Variants in PRKAB2 observed in about 807,000 individuals in gnomAD.
PRKAB2 encodes protein kinase AMP-activated non-catalytic subunit beta 2, also known as 5'-AMP-activated protein kinase subunit beta-2.
A neutral mutation model predicts 29.8 loss-of-function variants in PRKAB2; 18 were observed. That is an observed-to-expected ratio of 0.60 (90% confidence interval 0.42 to 0.89). PRKAB2 has a LOEUF of 0.89. PRKAB2 is among the 40% of genes least tolerant of loss of function. The pLI is 0.00. For missense variants in PRKAB2, 270 were observed against 344.3 expected, an observed-to-expected ratio of 0.78 and a Z score of 1.71; for synonymous variants, 136 against 125.9, an observed-to-expected ratio of 1.08 and a Z score of -0.54.
At chr1:147,165,085 G>T (rs1553913508) in intron 5 of PRKAB2, among the ~76,000 whole-genome samples, 1 of 152,164 alleles carries the variant, frequency 6.6e-6, no homozygotes, top group Non-Finnish European at 1.5e-5. Context: ...GAGTGCAGTG[G>T]CGAGATCTCA....
At chr1:147,167,713 A>G (rs1654319669) in intron 3 of PRKAB2, 54 bp downstream of exon 3, 1 of 1,559,610 alleles carries the variant, frequency 6.4e-7, no homozygotes, top group Admixed American at 1.9e-5. Flanking sequence ...CTTCTGAGAA[A>G]AGAAATCAGG....
At chr1:147,165,961 C>T (rs1288353229) in intron 5 of PRKAB2, among the ~76,000 whole-genome samples, 1 of 152,116 alleles carries the variant, frequency 6.6e-6, no homozygotes, top group Non-Finnish European at 1.5e-5. Context: ...TTACGCTCGG[C>T]TAATTTTTAA....
At chr1:147,162,725 C>A in intron 5 of PRKAB2, 152 bp from the exon 6 acceptor site, 2 of 787,414 alleles carry the variant, frequency 2.5e-6, no homozygotes, top group Non-Finnish European at 3.8e-6. Flanking sequence ...GTAAGGTAAC[C>A]AGAGGAAAAA....
In PRKAB2 at chr1:147,156,189, G is replaced by A. The variant is rs1653665344; in HGVS notation, c.*3376C>T. On this transcript the variant is annotated 3_prime_UTR_variant, in exon 8 of 8. Coordinates refer to ENST00000254101, the MANE Select transcript of PRKAB2 (RefSeq NM_005399.5). ...CCCCAAATCACTAGAACGTGAGAAT[G>A]TAGAAATCTCTGAGAACACAATGTA... is the stretch of plus-strand genomic sequence containing the variant. 6.6e-6 allele frequency: 1 copy of A among 152,540 alleles called. No individual in the cohort carries two copies. The highest frequency in any genetic ancestry group is 1.5e-5 in the Non-Finnish European group (1 of 68,032). The allele number at this position is 152,540 out of a possible 1,614,324, so 9.4% of individuals were successfully genotyped here.
chr1:147,166,348 G>A (rs1654247819), intron 5 of PRKAB2, 150 bp downstream of exon 5: 1 of 758,396 alleles, frequency 1.3e-6, no homozygotes, highest in African/African-American at 1.8e-5. Context: ...AGACCTAAAT[G>A]TTTACAGGAG....
In PRKAB2 at chr1:147,171,970, G is replaced by A. The variant is rs1553914460; in HGVS notation, c.156+19C>T. 6.3e-7 allele frequency: 1 copy of A among 1,594,818 alleles called. No individual in the cohort carries two copies. The highest frequency in any genetic ancestry group is 8.5e-7 in the Non-Finnish European group (1 of 1,171,512). On this transcript the variant is annotated intron_variant, in intron 2 of 7. Transcript: ENST00000254101. ...ACCCGCTGCAGTACTGACACCAACTGCGGGCATGGGACGCTTACCTTGGAG... is the reference window on the plus strand; with the variant it reads ...ACCCGCTGCAGTACTGACACCAACTACGGGCATGGGACGCTTACCTTGGAG...
At position 147,158,070 on chromosome 1, in the gene PRKAB2, AAC is replaced by A. The variant is rs1653761982; in HGVS notation, c.*1493_*1494del. On this transcript the variant is annotated 3_prime_UTR_variant, in exon 8 of 8. Coordinates refer to ENST00000254101, the MANE Select transcript of PRKAB2 (RefSeq NM_005399.5). ...GCAGTCAGGGAGTCTCTCATTCATC[AAC>A]AGTTTAGCCTCCTTTAGTGTTGATT... 1 of 152,100 alleles carries A rather than the reference AAC, an allele frequency of 6.6e-6. No individual in the cohort carries two copies. Among genetic ancestry groups the A allele is most frequent in the Non-Finnish European group, 1.5e-5 (1 of 68,018 alleles). 9.4% of individuals were successfully genotyped at this position (152,100 alleles called of 1,614,324 possible).
At position 147,167,801 on chromosome 1, in the gene PRKAB2, T is replaced by G; in HGVS notation, c.289A>C (p.Asn97His). 1.9e-6 allele frequency: 3 copies of G among 1,614,024 alleles called. No individual in the cohort carries two copies. Among genetic ancestry groups the G allele is most frequent in the Non-Finnish European group, 2.5e-6 (3 of 1,179,914 alleles). ...AGTGGAATCTTGGTGCTCCAATTGT[T>G]GAAGGACCCAGAGATGAAGACCTCC... Reference protein sequence around the residue: ...GKEVFISGSFNNWSTKIPLIK... With the variant: ...GKEVFISGSFHNWSTKIPLIK... The change falls in exon 3 of 8, where the codon AAC becomes CAC. Residue 97 changes from asparagine to histidine, a missense_variant. Coordinates refer to ENST00000254101, the MANE Select transcript of PRKAB2 (RefSeq NM_005399.5).
At position 147,167,823 on chromosome 1, in the gene PRKAB2, C is replaced by T. The variant is rs782596059; in HGVS notation, c.267G>A (p.Glu89=). 1.2e-5 allele frequency: 20 copies of T among 1,614,134 alleles called. 1 individual carries two copies. In the South Asian group the frequency reaches 2.1e-4, roughly 17 times the overall value. The change falls in exon 3 of 8, where the codon GAG becomes GAA. Residue 89 remains glutamate (E), a synonymous_variant. Transcript: ENST00000254101. ...TVIRWSEGGK[E]VFISGSFNNW... is the part of the protein sequence containing the mutation. The stretch of plus-strand genomic sequence containing the variant: ...TGTTGAAGGACCCAGAGATGAAGAC[C>T]TCCTTGCCTCCTTCAGACCAGCGGA...
intron 1 of PRKAB2, 55 bp downstream of exon 1, chr1:147,172,374 G>A (rs891289252): frequency 3.3e-6 from 2 of 599,412 alleles, no homozygotes; most frequent in African/African-American, 3.9e-5. Flanking sequence ...ACCCGCTATC[G>A]GGACCTCCCC....
In PRKAB2 at chr1:147,167,764, C is replaced by T. The variant is rs1654323313; in HGVS notation, c.323+3G>A. Reference sequence around the variant, plus strand: ...CCTTAGATTCAACCAAGACACTTGTCACCTCTTAATCAGTGGAATCTTGGT... The same window carrying T: ...CCTTAGATTCAACCAAGACACTTGTTACCTCTTAATCAGTGGAATCTTGGT... On this transcript the variant is annotated splice_donor_region_variant and intron_variant, in intron 3 of 7. Transcript: ENST00000254101. 1 of 1,611,486 alleles carries T rather than the reference C, an allele frequency of 6.2e-7. No homozygotes were observed. Among genetic ancestry groups the T allele is most frequent in the African/African-American group, 1.3e-5 (1 of 74,834 alleles).
chr1:147,161,939 T>C (rs587761176), intron 6 of PRKAB2, among the ~76,000 whole-genome samples, 159 bp from the exon 7 acceptor site: 137 of 152,304 alleles, frequency 9.0e-4, no homozygotes, highest in African/African-American at 3.0e-3. Context: ...GTATCAATAA[T>C]ACAATCCTAT....
intron 7 of PRKAB2, chr1:147,160,865 G>A (rs1003331987): frequency 2.0e-5 from 3 of 151,846 alleles, no homozygotes; most frequent in Non-Finnish European, 2.9e-5. Flanking sequence ...TACTTACAAC[G>A]TTATTATAAA....
intron 2 of PRKAB2, among the ~76,000 whole-genome samples, chr1:147,169,521 T>C (rs910267753): frequency 6.6e-6 from 1 of 152,164 alleles, no homozygotes; most frequent in Non-Finnish European, 1.5e-5. Context: ...ACTGTGATTA[T>C]GTTAAAATAA....
rs782083807 is a variant in PRKAB2 at position 147,166,820 on chromosome 1, G to C, written c.417+26C>G. On this transcript the variant is annotated intron_variant, in intron 4 of 7. Transcript: ENST00000254101. ...CTAAAATGAGACTGCTAAGTCAATG[G>C]TTACCCTTGGAGATCAAGGCCTTAC... The C allele has an allele frequency of 6.5e-5, 104 of 1,601,150 alleles. No individual in the cohort carries two copies. In the Middle Eastern group the frequency reaches 6.6e-4, roughly 10 times the overall value.
chr1:147,166,571 G>C lies in PRKAB2; in HGVS notation c.465C>G (p.Val155=), dbSNP rs1553913732. The change falls in exon 5 of 8, where the codon GTC becomes GTG. Residue 155 remains valine, a synonymous_variant. Transcript: ENST00000254101. ...QLGTINNLIH[V]KKSDFEVFDA... ...CGAACACCTCAAAATCAGATTTCTT[G>C]ACATGGATCAAATTGTTAATTGTGC... 8.1e-6 allele frequency: 13 copies of C among 1,613,906 alleles called. No homozygotes were observed. Among genetic ancestry groups the C allele is most frequent in the East Asian group, 2.2e-5 (1 of 44,882 alleles).
At position 147,156,509 on chromosome 1, in the gene PRKAB2, C is replaced by T. The variant is rs1174717130; in HGVS notation, c.*3056G>A. Reference sequence around the variant, plus strand: ...TGGGCCTGGGTTTGTAGGATCCTCACAAACTTCTCTTGGATTCTTCTTTTA... The same window carrying T: ...TGGGCCTGGGTTTGTAGGATCCTCATAAACTTCTCTTGGATTCTTCTTTTA... On this transcript the variant is annotated 3_prime_UTR_variant, in exon 8 of 8. Coordinates refer to ENST00000254101, the MANE Select transcript of PRKAB2 (RefSeq NM_005399.5). 6.6e-6 allele frequency: 1 copy of T among 152,188 alleles called. No individual in the cohort carries two copies. The highest frequency in any genetic ancestry group is 1.9e-4 in the East Asian group (1 of 5,200). 9.4% of individuals were successfully genotyped at this position (152,188 alleles called of 1,614,324 possible). A position where few individuals can be genotyped will look rare whatever the true frequency, so the allele number is the denominator to read the frequency against.
chr1:147,169,621 A>T (rs1192504144), intron 2 of PRKAB2, among the ~76,000 whole-genome samples: 1 of 152,230 alleles, frequency 6.6e-6, no homozygotes, highest in Non-Finnish European at 1.5e-5. Flanking sequence ...AAAATGTTAC[A>T]GATAAAATAA....
intron 2 of PRKAB2, among the ~76,000 whole-genome samples, chr1:147,169,734 A>C (rs1298553844): frequency 6.6e-6 from 1 of 152,202 alleles, no homozygotes; most frequent in Non-Finnish European, 1.5e-5. Context: ...ATCATTGTTC[A>C]AACTGGGTGG....
Sources: gnomAD v4.1 joint callset for allele counts (sites outside exome capture counted in the v4.1 genomes callset) on GRCh38, gnomAD v4.1.1 for gene constraint, MANE v1.5 for transcripts, NCBI Gene and HGNC (gene_info 2026-07-23, HGNC 2026-07-21) for gene names.